HDAC1: variants seen among roughly 807,000 people sequenced by gnomAD.
The protein encoded by HDAC1 is histone deacetylase 1.
Under a neutral mutation model 65.5 loss-of-function variants are expected in HDAC1, and 18 were observed. That is an observed-to-expected ratio of 0.27 (90% CI 0.19 to 0.41). The LOEUF (loss-of-function observed/expected upper bound fraction) is 0.41. Among genes scored for constraint, HDAC1 ranks in the 10% least tolerant of loss-of-function variants. The probability of loss-of-function intolerance (pLI) is 1.00; values close to 1 mark genes in which losing one functional copy is unlikely to be tolerated. For missense variants in HDAC1, 373 were observed against 625.2 expected, an observed-to-expected ratio of 0.60 and a Z score of 4.30; for synonymous variants, 211 against 227.9, an observed-to-expected ratio of 0.93 and a Z score of 0.67.
chr1:32,306,411 G>A (rs1327666166), intron 2 of HDAC1, among the ~76,000 whole-genome samples: 1 of 151,946 alleles, frequency 6.6e-6, no homozygotes, highest in Non-Finnish European at 1.5e-5. Context: ...GCCCGCCTTG[G>A]CCTCGCAAAG....
chr1:32,325,374 C>A (rs1043489683), intron 4 of HDAC1, among the ~76,000 whole-genome samples: 11 of 152,186 alleles, frequency 7.2e-5, no homozygotes, highest in Non-Finnish European at 5.9e-5. Flanking sequence ...CGCTGCCCCA[C>A]CAATATAATC....
chr1:32,324,438 A>T, intron 3 of HDAC1, 41 bp from the exon 4 acceptor site: 1 of 1,371,252 alleles, frequency 7.3e-7, no homozygotes, highest in Non-Finnish European at 1.0e-6. Flanking sequence ...TGTAAACTAA[A>T]GGAAATTGTG....
chr1:32,301,410 C>T (rs1269959233), intron 1 of HDAC1, among the ~76,000 whole-genome samples: 1 of 151,652 alleles, frequency 6.6e-6, no homozygotes, highest in Admixed American at 6.6e-5. Context: ...CGCGCCACTG[C>T]ACTCCAGCCT....
At chr1:32,310,935 G>A (rs1474557475) in intron 2 of HDAC1, among the ~76,000 whole-genome samples, 2 of 149,200 alleles carry the variant, frequency 1.3e-5, no homozygotes, top group African/African-American at 2.5e-5. Flanking sequence ...AAGAAAGGAA[G>A]GAAAGAAGAG....
chr1:32,311,250 C>T (rs1640987111), intron 2 of HDAC1, among the ~76,000 whole-genome samples: 2 of 152,104 alleles, frequency 1.3e-5, no homozygotes, highest in Non-Finnish European at 2.9e-5. Context: ...AGCAGATCAC[C>T]TGAGGTCAGG....
In HDAC1 at chr1:32,329,248, ATCTC is replaced by A. The variant is rs139947381; in HGVS notation, c.729+91_729+94del. ...AAAGCACCCCCACCATACCTCAGGA[ATCTC>A]TCCTTACTAAAGCTGGTGGGGAGAT... On this transcript the variant is annotated intron_variant, in intron 7 of 13. Transcript: ENST00000373548. The surrounding 1 kb of genome is among the most constrained non-coding windows in gnomAD (Gnocchi z 4.1). 4.5e-4 allele frequency: 371 copies of A among 816,244 alleles called. No homozygotes were observed. The African/African-American group carries it at 5.4e-3, about 12-fold the overall frequency. 50.6% of individuals were successfully genotyped at this position (816,244 alleles called of 1,614,324 possible). A position where few individuals can be genotyped will look rare whatever the true frequency, so the allele number is the denominator to read the frequency against.
At chr1:32,332,045 C>T (rs1557613785) in intron 11 of HDAC1, 45 bp from the exon 12 acceptor site, 1 of 1,511,704 alleles carries the variant, frequency 6.6e-7, no homozygotes. Flanking sequence ...TGAGCTAAAT[C>T]AGCACCCGCC....
chr1:32,304,002 C>G (rs146134100), intron 2 of HDAC1, among the ~76,000 whole-genome samples: 1 of 152,128 alleles, frequency 6.6e-6, no homozygotes, highest in Middle Eastern at 3.2e-3. Context: ...TGAGGAGGAA[C>G]AAGTGAAGGG....
At position 32,292,924 on chromosome 1, in the gene HDAC1, A is replaced by T. The variant is rs1276154607; in HGVS notation, c.49+706A>T. Among the ~76,000 whole-genome samples the T allele has an allele frequency of 3.3e-5, 5 of 152,146 alleles. No homozygotes were observed. The East Asian group carries it at 7.7e-4, about 23-fold the overall frequency. ...ACCTGAGGAGTCAGCGAAGGAGGGG[A>T]CATCTTAGTTAGGACCTGAAGAACA... On this transcript the variant is annotated intron_variant, in intron 1 of 13. Coordinates refer to ENST00000373548, the MANE Select transcript of HDAC1 (RefSeq NM_004964.3).
rs953126509 is a variant in HDAC1 at position 32,292,086 on chromosome 1, C to G, written c.-84C>G. 5.2e-6 allele frequency: 7 copies of G among 1,352,088 alleles called. No individual in the cohort carries two copies. The highest frequency in any genetic ancestry group is 2.2e-5 in the Admixed American group (1 of 46,038). The allele number at this position is 1,352,088 out of a possible 1,614,324, so 83.8% of individuals were successfully genotyped here. Reference sequence around the variant, plus strand: ...GCGGGGCGGGCCGGAGGCCCGCCCCCTCCCCCCTGGGTCGGACGCTGAGCG... The same window carrying G: ...GCGGGGCGGGCCGGAGGCCCGCCCCGTCCCCCCTGGGTCGGACGCTGAGCG... On this transcript the variant is annotated 5_prime_UTR_variant, in exon 1 of 14. Transcript: ENST00000373548.
At chr1:32,300,834 T>C (rs1385662390) in intron 1 of HDAC1, among the ~76,000 whole-genome samples, 1 of 152,210 alleles carries the variant, frequency 6.6e-6, no homozygotes, top group East Asian at 1.9e-4. Flanking sequence ...TAGGGCCAGA[T>C]AGTAAATATT....
intron 3 of HDAC1, among the ~76,000 whole-genome samples, chr1:32,323,303 A>G (rs941745877): frequency 6.6e-6 from 1 of 151,138 alleles, no homozygotes; most frequent in Non-Finnish European, 1.5e-5. Context: ...CTCCGTCTCA[A>G]AAAAAAAACA....
In HDAC1 at chr1:32,330,999, T is replaced by C; in HGVS notation, c.979+91T>C. 1 of 1,181,092 alleles carries C rather than the reference T, an allele frequency of 8.5e-7. No homozygotes were observed. Among genetic ancestry groups the C allele is most frequent in the Non-Finnish European group, 1.2e-6 (1 of 806,218 alleles). 73.2% of individuals were successfully genotyped at this position (1,181,092 alleles called of 1,614,324 possible). A position where few individuals can be genotyped will look rare whatever the true frequency, so the allele number is the denominator to read the frequency against. On this transcript the variant is annotated intron_variant, in intron 9 of 13. Transcript: ENST00000373548. This position sits in a 1 kb window ranked among gnomAD's most constrained non-coding sequence, Gnocchi z 4.2. Reference sequence around the variant, plus strand: ...TATAACCCCTTCCCCGTTGGTCATATGACCGCTCCTCTTCTGATACTAGTC... The same window carrying C: ...TATAACCCCTTCCCCGTTGGTCATACGACCGCTCCTCTTCTGATACTAGTC...
At position 32,333,309 on chromosome 1, in the gene HDAC1, A is replaced by G; in HGVS notation, c.*265A>G. On this transcript the variant is annotated 3_prime_UTR_variant, in exon 14 of 14. Coordinates refer to ENST00000373548, the MANE Select transcript of HDAC1 (RefSeq NM_004964.3). Reference sequence around the variant, plus strand: ...TGGGTGAAAGGGATACTTTTATGCAACCATAAGACAAACTCCTGAAATGCC... The same window carrying G: ...TGGGTGAAAGGGATACTTTTATGCAGCCATAAGACAAACTCCTGAAATGCC... 3.2e-6 allele frequency: 1 copy of G among 308,760 alleles called. No homozygotes were observed. Among genetic ancestry groups the G allele is most frequent in the Non-Finnish European group, 5.9e-6 (1 of 169,006 alleles). The allele number at this position is 308,760 out of a possible 1,614,324, so 19.1% of individuals were successfully genotyped here.
At chr1:32,324,971 A>G (rs1480170700) in intron 4 of HDAC1, among the ~76,000 whole-genome samples, 1 of 151,982 alleles carries the variant, frequency 6.6e-6, no homozygotes, top group East Asian at 1.9e-4. Context: ...GCCTCCAAAA[A>G]AAAAATTTAA....
At position 32,292,188 on chromosome 1, in the gene HDAC1, A is replaced by T; in HGVS notation, c.19A>T (p.Thr7Ser). 1 of 1,548,556 alleles carries T rather than the reference A, an allele frequency of 6.5e-7. No individual in the cohort carries two copies. Among genetic ancestry groups the T allele is most frequent in the Non-Finnish European group, 8.7e-7 (1 of 1,146,358 alleles). The change falls in exon 1 of 14, where the codon ACC becomes TCC. Residue 7 changes from threonine to serine, a missense_variant. By Grantham distance (58) the Thr-to-Ser change is moderately conservative. Coordinates refer to ENST00000373548, the MANE Select transcript of HDAC1 (RefSeq NM_004964.3). ...GAGCAAGATGGCGCAGACGCAGGGCACCCGGAGGAAAGTCTGTTACTACTA... is the reference window on the plus strand; with the variant it reads ...GAGCAAGATGGCGCAGACGCAGGGCTCCCGGAGGAAAGTCTGTTACTACTA... MAQTQG[T>S]RRKVCYYYDG...
Position 32,330,916 on chromosome 1 carries a change from C to T in HDAC1, c.979+8C>T. 1 of 1,614,004 alleles carries T rather than the reference C, an allele frequency of 6.2e-7. No individual in the cohort carries two copies. Among genetic ancestry groups the T allele is most frequent in the South Asian group, 1.1e-5 (1 of 91,078 alleles). ...ATACGGAGATCCCTAATGGTAATAG[C>T]TGCAGGGCCAGGTTCGGCTGGGCTG... On this transcript the variant is annotated splice_region_variant and intron_variant, in intron 9 of 13. Transcript: ENST00000373548. The surrounding 1 kb of genome is among the most constrained non-coding windows in gnomAD (Gnocchi z 4.2).
intron 3 of HDAC1, among the ~76,000 whole-genome samples, chr1:32,320,191 G>A (rs1186827311): frequency 1.3e-5 from 2 of 151,378 alleles, no homozygotes; most frequent in Non-Finnish European, 2.9e-5. Context: ...CTGTACTCCA[G>A]CTTGGGCGAC....
At chr1:32,306,617 A>G (rs1640914867) in intron 2 of HDAC1, among the ~76,000 whole-genome samples, 1 of 152,002 alleles carries the variant, frequency 6.6e-6, no homozygotes, top group African/African-American at 2.4e-5. Context: ...TACGATTTTG[A>G]TATACATTTC....
Sources: allele counts gnomAD v4.1 joint callset (sites outside exome capture counted in the v4.1 genomes callset), GRCh38; gene constraint gnomAD v4.1.1; non-coding constraint Gnocchi (gnomAD v3.1); transcripts MANE v1.5; gene names NCBI Gene and HGNC (gene_info 2026-07-23, HGNC 2026-07-21).